Variants in TRPM7 observed in about 807,000 individuals in gnomAD.
TRPM7 encodes the protein LTRPC ion channel family member 7.
In TRPM7, 134 loss-of-function variants were observed where a neutral mutation model predicts 229.7. The observed-to-expected ratio is 0.58, with a 90% CI of 0.51 to 0.67. The LOEUF (loss-of-function observed/expected upper bound fraction) is 0.67, where lower values mean the gene tolerates loss of function less well. TRPM7 is among the 30% of genes least tolerant of loss of function. The probability of loss-of-function intolerance (pLI) is 0.00; values close to 1 mark genes in which losing one functional copy is unlikely to be tolerated. For synonymous variants in TRPM7, 699 were observed against 715.2 expected (o/e 0.98, Z 0.36); for missense variants, 1,901 against 2,210.0 (o/e 0.86, Z 2.80).
intron 1 of TRPM7, among the ~76,000 whole-genome samples, chr15:50,677,610 G>T (rs1312174893): frequency 1.3e-5 from 2 of 151,508 alleles, no homozygotes; most frequent in Non-Finnish European, 2.9e-5. Flanking sequence ...GTGGTGTCAC[G>T]CGCCTGTAAT....
Position 50,570,088 on chromosome 15 carries a change from A to C in TRPM7, c.5360+16T>G, listed in dbSNP as rs2053800259. The C allele has an allele frequency of 6.2e-7, 1 of 1,605,486 alleles. No individual in the cohort carries two copies. The highest frequency in any genetic ancestry group is 8.5e-7 in the Non-Finnish European group (1 of 1,176,544). ...ATGTGAAATTATGCCTTAATGAAAT[A>C]GTTAAAACTTATTACCTCTTTTCTT... is the stretch of plus-strand genomic sequence containing the variant. On this transcript the variant is annotated intron_variant, in intron 37 of 38. Coordinates refer to ENST00000646667, the MANE Select transcript of TRPM7 (RefSeq NM_017672.6).
At chr15:50,606,155 C>T (rs942575046) in intron 20 of TRPM7, among the ~76,000 whole-genome samples, 22 of 152,182 alleles carry the variant, frequency 1.4e-4, no homozygotes, top group Admixed American at 5.9e-4. Context: ...CAAAGGCGGG[C>T]GGATCATGAG....
intron 31 of TRPM7, among the ~76,000 whole-genome samples, chr15:50,577,951 A>C (rs935594162): frequency 1.3e-5 from 2 of 152,202 alleles, no homozygotes; most frequent in Non-Finnish European, 2.9e-5. Flanking sequence ...AGAAGAAGCA[A>C]GACACAGAAC....
intron 38 of TRPM7, among the ~76,000 whole-genome samples, chr15:50,566,572 T>G (rs948973501): frequency 1.3e-5 from 2 of 152,114 alleles, no homozygotes; most frequent in African/African-American, 4.8e-5. Context: ...GGCACGTACC[T>G]GTAGTGCCAG....
At chr15:50,613,686 A>C in intron 15 of TRPM7, 21 bp downstream of exon 15, 1 of 1,500,146 alleles carries the variant, frequency 6.7e-7, no homozygotes, top group Non-Finnish European at 8.9e-7. Flanking sequence ...CCCAGAAAGA[A>C]TAATATTTAA....
intron 28 of TRPM7, among the ~76,000 whole-genome samples, chr15:50,585,377 C>T (rs1004399400): frequency 6.6e-6 from 1 of 152,114 alleles, no homozygotes; most frequent in Non-Finnish European, 1.5e-5. Flanking sequence ...ATTTATTTTA[C>T]TTGCTTTACT....
In TRPM7 at chr15:50,648,682, C is replaced by A; in HGVS notation, c.321+5G>T. 1 of 1,583,352 alleles carries A rather than the reference C, an allele frequency of 6.3e-7. No individual in the cohort carries two copies. Among genetic ancestry groups the A allele is most frequent in the Non-Finnish European group, 8.6e-7 (1 of 1,165,322 alleles). ...AAATGAAGAAAAATCCAATATGTGA[C>A]ATACCTTAGCTCTGTAGGAATGAGA... On this transcript the variant is annotated splice_donor_5th_base_variant and intron_variant, in intron 4 of 38. Coordinates refer to ENST00000646667, the MANE Select transcript of TRPM7 (RefSeq NM_017672.6).
Position 50,643,417 on chromosome 15 carries a change from T to G in TRPM7, c.458A>C (p.Lys153Thr). The change falls in exon 5 of 39, where the codon AAG becomes ACG. Residue 153 changes from lysine to threonine, a missense_variant. Physicochemically the swap from Lys to Thr is moderately conservative, Grantham distance 78. Around this residue, in one of 8 missense-constraint regions of TRPM7, gnomAD observed 794 missense variants for 881.9 expected, o/e 0.90. Transcript: ENST00000646667. ...AATAAGACCTTTTCCAAGCAACTGC[T>G]TGATTCGTGGGTGAAGCTCAAATTT... ...MQKFELHPRI[K>T]QLLGKGLIKA... is the part of the protein sequence containing the mutation. 1 of 1,614,226 alleles carries G rather than the reference T, an allele frequency of 6.2e-7. No homozygotes were observed. The highest frequency in any genetic ancestry group is 8.5e-7 in the Non-Finnish European group (1 of 1,180,044).
chr15:50,598,049 C>T (rs540841097), intron 22 of TRPM7, among the ~76,000 whole-genome samples: 4 of 152,210 alleles, frequency 2.6e-5, no homozygotes, highest in African/African-American at 9.6e-5. Context: ...CAAATAATGA[C>T]CACAAATTTT....
intron 10 of TRPM7, among the ~76,000 whole-genome samples, chr15:50,628,541 A>T (rs1046765284): frequency 6.6e-6 from 1 of 152,140 alleles, no homozygotes; most frequent in Non-Finnish European, 1.5e-5. Flanking sequence ...CCCGGCCTCA[A>T]GTGATCCTGC....
chr15:50,654,101 A>G (rs2061494032), intron 3 of TRPM7, among the ~76,000 whole-genome samples: 1 of 152,234 alleles, frequency 6.6e-6, no homozygotes, highest in Non-Finnish European at 1.5e-5. Flanking sequence ...CCTGTCAGAA[A>G]GAAACTGAAC....
intron 1 of TRPM7, among the ~76,000 whole-genome samples, chr15:50,672,247 T>C (rs1022689545): frequency 5.3e-5 from 8 of 152,026 alleles, no homozygotes; most frequent in African/African-American, 1.9e-4. Context: ...TAGAGACATT[T>C]TCACCATGTT....
intron 3 of TRPM7, among the ~76,000 whole-genome samples, chr15:50,651,368 G>A (rs566602494): frequency 3.3e-5 from 5 of 152,208 alleles, no homozygotes; most frequent in Admixed American, 6.5e-5. Flanking sequence ...GCTTGACGCC[G>A]GGTGTGGTGG....
In TRPM7 at chr15:50,580,924, A is replaced by AC. The variant is rs1555403958; in HGVS notation, c.4558-17_4558-16insG. On this transcript the variant is annotated splice_polypyrimidine_tract_variant and intron_variant, in intron 29 of 38. Coordinates refer to ENST00000646667, the MANE Select transcript of TRPM7 (RefSeq NM_017672.6). ...GTAACCAATCCTTCAGTAAAAAAAA[A>AC]ACACACACACACAAAAACCTTAAAG... The AC allele has an allele frequency of 6.5e-3, 10,182 of 1,570,688 alleles. 563 individuals are homozygous for AC. The African/African-American group carries it at 0.12, about 19-fold the overall frequency.
chr15:50,604,834 C>T lies in TRPM7; in HGVS notation c.2988+32G>A, dbSNP rs753042656. On this transcript the variant is annotated intron_variant, in intron 21 of 38. Coordinates refer to ENST00000646667, the MANE Select transcript of TRPM7 (RefSeq NM_017672.6). The stretch of plus-strand genomic sequence containing the variant: ...GTGATTTTTTAAAAAATCAATAAAC[C>T]CACGAGTATTATCAAACATCTGTCA... The T allele has an allele frequency of 1.5e-4, 228 of 1,511,340 alleles. No individual in the cohort carries two copies. Among genetic ancestry groups the T allele is most frequent in the Middle Eastern group, 3.5e-4 (2 of 5,652 alleles). The allele number at this position is 1,511,340 out of a possible 1,614,324, so 93.6% of individuals were successfully genotyped here.
At position 50,637,489 on chromosome 15, in the gene TRPM7, C is replaced by A. The variant is rs755110158; in HGVS notation, c.765G>T (p.Lys255Asn). Residue 255 changes from lysine to asparagine, a missense_variant, in exon 7 of 39, where the codon AAG (lysine) becomes AAT (asparagine). Physicochemically the swap from Lys to Asn is moderately conservative, Grantham distance 94. Around this residue, in one of 8 missense-constraint regions of TRPM7, gnomAD observed 794 missense variants for 881.9 expected, o/e 0.90. Transcript: ENST00000646667. ...TTCTCAGTCTGACTTCCGCCCCATA[C>A]TTTCCAACAGTGCCATCATCCACCA... ...FILVDDGTVG[K>N]YGAEVRLRRE... 1.9e-6 allele frequency: 3 copies of A among 1,614,006 alleles called. No homozygotes were observed. Among genetic ancestry groups the A allele is most frequent in the Non-Finnish European group, 1.7e-6 (2 of 1,180,018 alleles).
intron 38 of TRPM7, among the ~76,000 whole-genome samples, chr15:50,569,614 T>C (rs747197486): frequency 1.3e-5 from 2 of 152,156 alleles, no homozygotes; most frequent in South Asian, 2.1e-4. Context: ...GGCAGAGACA[T>C]AGCTGTCTGG....
Position 50,628,235 on chromosome 15 carries a change from C to T in TRPM7, c.1219G>A (p.Ala407Thr). Reference sequence around the variant, plus strand: ...AATGTAAGGATAAGCTGGTCAAATGCAGATGCATTAGTACCTAATCGAATA... The same window carrying T: ...AATGTAAGGATAAGCTGGTCAAATGTAGATGCATTAGTACCTAATCGAATA... ...TALLKGTNAS[A>T]FDQLILTLAW... is the part of the protein sequence containing the mutation. Residue 407 changes from alanine (A) to threonine (T), a missense_variant, in exon 11 of 39, where the codon GCA becomes ACA. Ala to Thr is a moderately conservative substitution (Grantham distance 58). Around this residue, in one of 8 missense-constraint regions of TRPM7, gnomAD observed 794 missense variants for 881.9 expected, o/e 0.90. Transcript: ENST00000646667. 6.2e-7 allele frequency: 1 copy of T among 1,611,464 alleles called. No individual in the cohort carries two copies. The highest frequency in any genetic ancestry group is 1.1e-5 in the South Asian group (1 of 90,940).
At chr15:50,673,828 G>C (rs72740476) in intron 1 of TRPM7, among the ~76,000 whole-genome samples, 27,656 of 152,056 alleles carry the variant, frequency 0.18, 3,255 homozygotes, top group East Asian at 0.47. Context: ...GTATCCTAAG[G>C]AATCTCCACA....
Sources: allele counts gnomAD v4.1 joint callset (sites outside exome capture counted in the v4.1 genomes callset), GRCh38; gene constraint gnomAD v4.1.1; regional missense constraint gnomAD v4.1.1; transcripts MANE v1.5; gene names NCBI Gene and HGNC (gene_info 2026-07-23, HGNC 2026-07-21).